The following DGLUCY variants were observed in gnomAD, a reference collection of about 807,000 sequenced individuals.
DGLUCY encodes D-glutamate cyclase, mitochondrial.
A neutral mutation model predicts 58.5 loss-of-function variants in DGLUCY; 58 were observed. The ratio of observed to expected loss-of-function variants is 0.99; its 90% CI spans 0.80 to 1.23. The LOEUF (loss-of-function observed/expected upper bound fraction) is 1.23, where lower values mean the gene tolerates loss of function less well. Ranked by LOEUF, DGLUCY falls within the 50% of genes most tolerant of loss-of-function variation. The probability of loss-of-function intolerance (pLI) is 0.00; values close to 1 mark genes in which losing one functional copy is unlikely to be tolerated. For missense variants in DGLUCY, 779 were observed against 784.7 expected (o/e 0.99, Z 0.09); for synonymous variants, 325 against 314.1 (o/e 1.03, Z -0.37).
At chr14:91,149,138 T>C (rs2047169632) in intron 1 of DGLUCY, among the ~76,000 whole-genome samples, 1 of 151,128 alleles carries the variant, frequency 6.6e-6, no homozygotes, top group African/African-American at 2.4e-5. Context: ...TCCCAGCTAC[T>C]CGGGAGGCTG....
At chr14:91,218,591 C>T (rs35631366) in intron 13 of DGLUCY, among the ~76,000 whole-genome samples, 60,622 of 151,522 alleles carry the variant, frequency 0.4, 14,822 homozygotes, top group Admixed American at 0.59. Context: ...TTAATGGTGA[C>T]GGGGTTTCAC....
chr14:91,132,542 G>A (rs1166067792), intron 1 of DGLUCY, among the ~76,000 whole-genome samples: 3 of 150,798 alleles, frequency 2.0e-5, no homozygotes, highest in East Asian at 1.9e-4. Context: ...GCAGTGGCAC[G>A]ATCTTGGCTC....
At chr14:91,148,625 C>A (rs1185272555) in intron 1 of DGLUCY, 1 of 152,206 alleles carries the variant, frequency 6.6e-6, no homozygotes, top group East Asian at 1.9e-4. Context: ...AATGTCTGTC[C>A]TGCATGTGTG....
chr14:91,170,198 C>G lies in DGLUCY; in HGVS notation c.453C>G (p.Tyr151Ter). ...DPAGHSQAGA[Y>*]KTTVPCVTHA... ...CAGGTCACAGCCAGGCGGGTGCATACAAGGTAGGGACACAGCCCACAGCCC... is the reference window on the plus strand; with the variant it reads ...CAGGTCACAGCCAGGCGGGTGCATAGAAGGTAGGGACACAGCCCACAGCCC... The change falls in exon 5 of 14, where the codon TAC becomes TAG. Residue 151 changes from tyrosine to a stop codon, truncating the protein, a stop_gained. Coordinates refer to ENST00000256324, the MANE Select transcript of DGLUCY (RefSeq NM_001102368.3). LOFTEE classifies it high-confidence loss of function. 6.2e-7 allele frequency: 1 copy of G among 1,613,348 alleles called. No homozygotes were observed. Among genetic ancestry groups the G allele is most frequent in the Non-Finnish European group, 8.5e-7 (1 of 1,179,814 alleles).
intron 6 of DGLUCY, among the ~76,000 whole-genome samples, chr14:91,175,568 G>A (rs2048808613): frequency 6.6e-6 from 1 of 152,160 alleles, no homozygotes; most frequent in Admixed American, 6.5e-5. Context: ...TAGTCAAGCA[G>A]CTGAGGTTAG....
At chr14:91,131,385 C>CTTTTTTTTTTT (rs57926089) in intron 1 of DGLUCY, among the ~76,000 whole-genome samples, 18 of 151,244 alleles carry the variant, frequency 1.2e-4, no homozygotes, top group African/African-American at 4.4e-4. Context: ...GAGATATTCT[C>CTTTTTTTTTTT]TTTTTTTTTT....
intron 1 of DGLUCY, among the ~76,000 whole-genome samples, chr14:91,061,413 A>G (rs1006322294): frequency 1.3e-5 from 2 of 152,244 alleles, no homozygotes; most frequent in South Asian, 2.1e-4. Context: ...AAAATAGAAT[A>G]CAATTCCTCC....
chr14:91,196,394 C>T lies in DGLUCY; in HGVS notation c.1215C>T (p.Ile405=). 1 of 1,614,060 alleles carries T rather than the reference C, an allele frequency of 6.2e-7. No homozygotes were observed. Among genetic ancestry groups the T allele is most frequent in the Non-Finnish European group, 8.5e-7 (1 of 1,180,018 alleles). ...AVEQGVLKTQ[I]PILTYQGGSV... ...TTCAAGGTGTTCTGAAGACGCAGAT[C>T]CCGATATTAACTTACCAAGGTGGAT... The change falls in exon 10 of 14, where the codon ATC becomes ATT. Residue 405 remains isoleucine (I), a synonymous_variant. Coordinates refer to ENST00000256324, the MANE Select transcript of DGLUCY (RefSeq NM_001102368.3).
intron 1 of DGLUCY, among the ~76,000 whole-genome samples, chr14:91,129,632 A>G (rs912813620): frequency 5.5e-4 from 84 of 151,436 alleles, no homozygotes; most frequent in African/African-American, 1.9e-3. Flanking sequence ...TTTATTCAAC[A>G]TGATGTTTTT....
intron 1 of DGLUCY, among the ~76,000 whole-genome samples, chr14:91,067,091 A>AG (rs1455532635): frequency 1.3e-5 from 2 of 151,512 alleles, no homozygotes; most frequent in Admixed American, 1.3e-4. Context: ...AAAAAAAAAA[A>AG]AAAAAAAAGA....
chr14:91,122,602 G>GGTTT (rs2045438247), intron 1 of DGLUCY, among the ~76,000 whole-genome samples: 1 of 104,816 alleles, frequency 9.5e-6, no homozygotes, highest in Non-Finnish European at 1.8e-5. Flanking sequence ...AAAGAAAAAA[G>GGTTT]TTTTTTTTTT....
chr14:91,218,512 C>T (rs533516272), intron 13 of DGLUCY, among the ~76,000 whole-genome samples: 2 of 151,946 alleles, frequency 1.3e-5, no homozygotes, highest in East Asian at 3.9e-4. Flanking sequence ...GAGTGATTCT[C>T]CTGCCTCAGC....
chr14:91,180,869 A>G (rs151221117), intron 7 of DGLUCY, among the ~76,000 whole-genome samples: 46 of 152,362 alleles, frequency 3.0e-4, no homozygotes, highest in African/African-American at 1.1e-3. Flanking sequence ...AGAATCCAGT[A>G]AACACTTCCT....
rs1325528634 is a variant in DGLUCY, at chr14:91,215,509, G to A, written c.1669G>A (p.Ala557Thr). 4 of 1,614,046 alleles carry A rather than the reference G, an allele frequency of 2.5e-6. No individual in the cohort carries two copies. Among genetic ancestry groups the A allele is most frequent in the Non-Finnish European group, 3.4e-6 (4 of 1,179,996 alleles). Residue 557 changes from alanine to threonine, a missense_variant, in exon 13 of 14, where the codon GCA becomes ACA. By Grantham distance (58) the Ala-to-Thr change is moderately conservative (BLOSUM62 0). Transcript: ENST00000256324. ...YLRKAVGPSRAPGDQAWTQAL... is the reference protein window; with the variant it reads ...YLRKAVGPSRTPGDQAWTQAL... ...GAGGAAAGCAGTCGGACCCTCCAGG[G>A]CACCTGGAGATCAGGCCTGGACTCA...
At chr14:91,092,533 A>C (rs1314591163) in intron 1 of DGLUCY, among the ~76,000 whole-genome samples, 2 of 152,222 alleles carry the variant, frequency 1.3e-5, no homozygotes, top group Non-Finnish European at 2.9e-5. Flanking sequence ...CTTATCTTTT[A>C]TTCATTCTCA....
At chr14:91,206,051 G>C (rs1884640883) in intron 12 of DGLUCY, among the ~76,000 whole-genome samples, 1 of 151,682 alleles carries the variant, frequency 6.6e-6, no homozygotes, top group Non-Finnish European at 1.5e-5. Flanking sequence ...TATTGGCCAG[G>C]CTGGTCTCGA....
chr14:91,167,574 C>A, intron 4 of DGLUCY, 196 bp downstream of exon 4: 1 of 758,044 alleles, frequency 1.3e-6, no homozygotes, highest in Non-Finnish European at 2.3e-6. Flanking sequence ...TCACCTGGCG[C>A]CTGTCCTGGC....
intron 13 of DGLUCY, among the ~76,000 whole-genome samples, chr14:91,219,665 C>T (rs1887133523): frequency 6.6e-6 from 1 of 152,348 alleles, no homozygotes; most frequent in South Asian, 2.1e-4. Flanking sequence ...ACTACCTGGG[C>T]ACACCCTGCC....
chr14:91,200,112 G>A (rs2050462398), intron 11 of DGLUCY, among the ~76,000 whole-genome samples: 1 of 152,006 alleles, frequency 6.6e-6, no homozygotes, highest in African/African-American at 2.4e-5. Context: ...GCACCACCAC[G>A]CCTGGCTAAT....
Sources: allele counts gnomAD v4.1 joint callset (sites outside exome capture counted in the v4.1 genomes callset), GRCh38; gene constraint gnomAD v4.1.1; transcripts MANE v1.5; gene names NCBI Gene and HGNC (gene_info 2026-07-23, HGNC 2026-07-21).